The following TRAPPC9 variants were observed in gnomAD, a reference collection of about 807,000 sequenced individuals.
TRAPPC9 encodes trafficking protein particle complex subunit 9.
A neutral mutation model predicts 124.0 loss-of-function variants in TRAPPC9; 83 were observed. That is an observed-to-expected ratio of 0.67 (90% CI 0.56 to 0.80). TRAPPC9 has a LOEUF of 0.80. Among genes scored for constraint, TRAPPC9 ranks in the 30% least tolerant of loss-of-function variants. TRAPPC9 has a pLI of 0.00. For missense variants in TRAPPC9, 1,302 were observed against 1,508.3 expected (o/e 0.86, Z 2.27); for synonymous variants, 638 against 617.5 (o/e 1.03, Z -0.49).
intron 21 of TRAPPC9, chr8:139,881,010 G>A (rs1018072507): frequency 6.6e-6 from 1 of 152,206 alleles, no homozygotes; most frequent in African/African-American, 2.4e-5. Flanking sequence ...ATTTTCTCCA[G>A]GATAAAGGGA....
chr8:140,273,098 C>T (rs1016320026), intron 15 of TRAPPC9, among the ~76,000 whole-genome samples: 1 of 152,198 alleles, frequency 6.6e-6, no homozygotes, highest in East Asian at 1.9e-4. Context: ...CCAGACAGTG[C>T]CCTCCCCAGA....
intron 21 of TRAPPC9, among the ~76,000 whole-genome samples, chr8:139,876,017 C>T (rs1447497149): frequency 2.0e-5 from 3 of 152,264 alleles, no homozygotes; most frequent in Non-Finnish European, 4.4e-5. Flanking sequence ...TAGTGGGAGC[C>T]GGCTTTCTCA....
In TRAPPC9 at chr8:140,183,952, GGGAGGGGAGGGAGGAGGGA is replaced by G. The variant is rs1436568248; in HGVS notation, c.2556+37488_2556+37506del. ...GAGAGGAGAGGAGAGGAGAGGAGAGGGGAGGGGAGGGAGGAGGGAGGAGGGAGGAGGGAGGAGGGAGGAG... is the reference window on the plus strand; with the variant it reads ...GAGAGGAGAGGAGAGGAGAGGAGAGGGGAGGGAGGAGGGAGGAGGGAGGAG... On this transcript the variant is annotated intron_variant, in intron 17 of 22. Coordinates refer to ENST00000438773, the MANE Select transcript of TRAPPC9 (RefSeq NM_001160372.4). Among the ~76,000 whole-genome samples the G allele has an allele frequency of 1.7e-3, 80 of 45,972 alleles. 6 individuals are homozygous for G. In the East Asian group the frequency reaches 0.088, roughly 51 times the overall value. 30.2% of individuals were successfully genotyped at this position (45,972 alleles called of 152,430 possible).
chr8:140,237,847 C>T (rs545555784), intron 16 of TRAPPC9, among the ~76,000 whole-genome samples: 3 of 152,092 alleles, frequency 2.0e-5, no homozygotes, highest in South Asian at 2.1e-4. Context: ...AATTAGCAGC[C>T]GGGAGCCCAA....
intron 10 of TRAPPC9, among the ~76,000 whole-genome samples, chr8:140,308,172 G>A (rs2066189091): frequency 6.6e-6 from 1 of 151,884 alleles, no homozygotes; most frequent in African/African-American, 2.4e-5. Flanking sequence ...CACACATTTG[G>A]CCCACTCTAA....
chr8:139,916,335 C>T (rs1832127181), intron 19 of TRAPPC9: 1 of 152,196 alleles, frequency 6.6e-6, no homozygotes, highest in Non-Finnish European at 1.5e-5. Flanking sequence ...GCGAAGCATC[C>T]GGTACATAAA....
At chr8:139,760,961 T>C (rs1820180609) in intron 21 of TRAPPC9, among the ~76,000 whole-genome samples, 1 of 152,200 alleles carries the variant, frequency 6.6e-6, no homozygotes, top group South Asian at 2.1e-4. Flanking sequence ...GTGGGTAGCT[T>C]GGGTCTTTCT....
chr8:139,970,142 A>G (rs1162691914), intron 19 of TRAPPC9, among the ~76,000 whole-genome samples: 3 of 152,332 alleles, frequency 2.0e-5, no homozygotes. Context: ...GCAGAAAAGC[A>G]TCATGTAAGG....
At chr8:140,302,760 C>A (rs960861470) in intron 10 of TRAPPC9, 1 of 152,214 alleles carries the variant, frequency 6.6e-6, no homozygotes, top group African/African-American at 2.4e-5. Flanking sequence ...GTGGGGACTA[C>A]GACTGGCCTC....
At chr8:140,363,367 C>T (rs2068012883) in intron 8 of TRAPPC9, among the ~76,000 whole-genome samples, 1 of 152,218 alleles carries the variant, frequency 6.6e-6, no homozygotes, top group South Asian at 2.1e-4. Flanking sequence ...CCTGAGAATA[C>T]AGACAATTTG....
intron 7 of TRAPPC9, among the ~76,000 whole-genome samples, chr8:140,389,832 C>T (rs1044846063): frequency 9.3e-6 from 1 of 107,810 alleles, no homozygotes; most frequent in Non-Finnish European, 1.9e-5. Context: ...TACAATTTAA[C>T]AACAATAACC....
At chr8:139,770,316 C>T (rs1189694287) in intron 21 of TRAPPC9, among the ~76,000 whole-genome samples, 2 of 152,252 alleles carry the variant, frequency 1.3e-5, no homozygotes, top group East Asian at 1.9e-4. Flanking sequence ...CCCTGGCTCC[C>T]GGAAGCCGGT....
rs541281689 is a variant in TRAPPC9, at chr8:139,854,845, G to A, written c.3055+31034C>T. 7.9e-5 allele frequency among the ~76,000 whole-genome samples: 12 copies of A among 152,298 alleles called. No individual in the cohort carries two copies. In the South Asian group the frequency reaches 1.9e-3, roughly 24 times the overall value. On this transcript the variant is annotated intron_variant, in intron 21 of 22. Coordinates refer to ENST00000438773, the MANE Select transcript of TRAPPC9 (RefSeq NM_001160372.4). ...GTGCCAAACAGGCACTGAGGCCAGCGCTGGTTTCCCTACGACCTGCCTGGG... is the reference window on the plus strand; with the variant it reads ...GTGCCAAACAGGCACTGAGGCCAGCACTGGTTTCCCTACGACCTGCCTGGG...
rs556060966 is a variant in TRAPPC9, at chr8:140,268,359, G to C, written c.2278+7299C>G. Among the ~76,000 whole-genome samples, 5 of 152,258 alleles carry C rather than the reference G, an allele frequency of 3.3e-5. No individual in the cohort carries two copies. In the East Asian group the frequency reaches 9.7e-4, roughly 29 times the overall value. ...TTCATTCATGCTGGCAGCTTTTGGTGCTGTAGGACTAAAGTGACAGGAATT... is the reference window on the plus strand; with the variant it reads ...TTCATTCATGCTGGCAGCTTTTGGTCCTGTAGGACTAAAGTGACAGGAATT... On this transcript the variant is annotated intron_variant, in intron 15 of 22. Transcript: ENST00000438773.
intron 19 of TRAPPC9, among the ~76,000 whole-genome samples, chr8:139,940,925 C>T (rs1833873721): frequency 6.6e-6 from 1 of 152,204 alleles, no homozygotes; most frequent in African/African-American, 2.4e-5. Flanking sequence ...CTGTGGGTGT[C>T]CCCAGGCATC....
chr8:139,735,945 G>T (rs746888480), intron 21 of TRAPPC9, among the ~76,000 whole-genome samples: 4 of 152,262 alleles, frequency 2.6e-5, no homozygotes, highest in Middle Eastern at 3.2e-3. Context: ...GGTTGGCAGG[G>T]GTTGTGGGCA....
At chr8:139,931,598 G>A (rs1334336299) in intron 19 of TRAPPC9, 4 of 152,252 alleles carry the variant, frequency 2.6e-5, no homozygotes, top group African/African-American at 9.7e-5. Context: ...CCCGCGGTCT[G>A]GAAAGTGCTC....
rs562412994 is a variant in TRAPPC9, at chr8:140,304,947, G to A, written c.1623-4333C>T. 1.6e-4 allele frequency among the ~76,000 whole-genome samples: 25 copies of A among 152,256 alleles called. No homozygotes were observed. The South Asian group carries it at 1.9e-3, about 11-fold the overall frequency. On this transcript the variant is annotated intron_variant, in intron 10 of 22. Transcript: ENST00000438773. ...TCCCATGCCCTCAGTGTGCGTTACCGAATGCTAACAGCAAAACAACATCAG... is the reference window on the plus strand; with the variant it reads ...TCCCATGCCCTCAGTGTGCGTTACCAAATGCTAACAGCAAAACAACATCAG...
At chr8:139,744,223 G>C (rs183325576) in intron 21 of TRAPPC9, among the ~76,000 whole-genome samples, 33 of 152,346 alleles carry the variant, frequency 2.2e-4, no homozygotes, top group African/African-American at 7.0e-4. Flanking sequence ...GAAAAGAAGC[G>C]AGAAGCGTGG....
Sources: gnomAD v4.1 joint callset for allele counts (sites outside exome capture counted in the v4.1 genomes callset) on GRCh38, gnomAD v4.1.1 for gene constraint, MANE v1.5 for transcripts, NCBI Gene and HGNC (gene_info 2026-07-23, HGNC 2026-07-21) for gene names.